The following KAT8 variants were observed in gnomAD, a reference collection of about 807,000 sequenced individuals.
KAT8 encodes the protein histone acetyltransferase KAT8.
KAT8 carries 40 observed loss-of-function variants against 62.9 expected under a neutral mutation model. The ratio of observed to expected loss-of-function variants is 0.64; its 90% CI spans 0.49 to 0.83. KAT8 has a LOEUF of 0.83. Among genes scored for constraint, KAT8 ranks in the 40% least tolerant of loss-of-function variants. KAT8 has a pLI of 0.00. For missense variants in KAT8, 387 were observed against 614.8 expected (o/e 0.63, Z 3.92); for synonymous variants, 278 against 254.5 (o/e 1.09, Z -0.88).
At chr16:31,123,832 C>G (rs1427338998) in intron 3 of KAT8, 6 of 152,142 alleles carry the variant, frequency 3.9e-5, no homozygotes, top group Non-Finnish European at 7.4e-5. Flanking sequence ...TTAAATAGCC[C>G]TATGTGACAA....
At chr16:31,125,891 C>G (rs2057528587) in intron 3 of KAT8, 1 of 152,194 alleles carries the variant, frequency 6.6e-6, no homozygotes, top group African/African-American at 2.4e-5. Flanking sequence ...TTAGTCTCTG[C>G]TTTCTAAGGA....
In KAT8 at chr16:31,117,746, A is replaced by AGCCCGG. The variant is rs1311380037; in HGVS notation, c.73_78dup (p.Pro25_Gly26dup). 2.2e-6 allele frequency: 3 copies of AGCCCGG among 1,377,352 alleles called. No individual in the cohort carries two copies. The South Asian group carries it at 4.8e-5, about 22-fold the overall frequency. The allele number at this position is 1,377,352 out of a possible 1,614,324, so 85.3% of individuals were successfully genotyped here. A position where few individuals can be genotyped will look rare whatever the true frequency, so the allele number is the denominator to read the frequency against. ...ACTTCAGGGGTCGCGGGGGAGGGCG[A>AGCCCGG]GCCCGGGCCCGGGGAGAATGCGGCC... is the stretch of plus-strand genomic sequence containing the variant. On this transcript the variant is annotated inframe_insertion, in exon 1 of 11. Transcript: ENST00000219797.
At chr16:31,121,058 G>A (rs1309460415) in intron 3 of KAT8, 1 of 153,096 alleles carries the variant, frequency 6.5e-6, no homozygotes. Context: ...GTTAGCCGGT[G>A]AGCAGAAGTA....
At chr16:31,128,015 A>T in intron 5 of KAT8, 35 bp from the exon 6 acceptor site, 1 of 1,531,386 alleles carries the variant, frequency 6.5e-7, no homozygotes, top group Non-Finnish European at 9.1e-7. Context: ...CAGAGAACAT[A>T]TGGGCAGCGA....
downstream of KAT8, chr16:31,131,364 T>C: frequency 2.9e-6 from 4 of 1,366,028 alleles, no homozygotes; most frequent in South Asian, 5.0e-5. Context: ...CTGGTGGCCC[T>C]GGACTTTGGA....
intron 1 of KAT8, chr16:31,118,880 C>CTTTTTT (rs34659650): frequency 2.5e-5 from 3 of 121,992 alleles, no homozygotes; most frequent in African/African-American, 3.0e-5. Context: ...TCCCTTTTGT[C>CTTTTTT]TTTTTTTTTT....
At chr16:31,126,775 A>C in intron 3 of KAT8, 1 of 508,040 alleles carries the variant, frequency 2.0e-6, no homozygotes, top group Admixed American at 3.4e-5. Context: ...TCCTGATCCT[A>C]ACCCTGTTCA....
rs902324361 is a variant in KAT8 at position 31,130,176 on chromosome 16, C to T, written c.912+19C>T. 16 of 244,252 alleles carry T rather than the reference C, an allele frequency of 6.6e-5. No homozygotes were observed. The highest frequency in any genetic ancestry group is 1.6e-4 in the Admixed American group (4 of 24,288). 15.1% of individuals were successfully genotyped at this position (244,252 alleles called of 1,614,324 possible). A position where few individuals can be genotyped will look rare whatever the true frequency, so the allele number is the denominator to read the frequency against. On this transcript the variant is annotated intron_variant, in intron 7 of 10. Transcript: ENST00000219797. ...CTCCAAGGTGCTGGGTCTGGAAACT[C>T]GGGGTGGGGAGGGTGGGGAGGGCGA...
chr16:31,130,316 C>T lies in KAT8; in HGVS notation c.962C>T (p.Pro321Leu). Residue 321 changes from proline to leucine, a missense_variant, in exon 8 of 11, where the codon CCC becomes CTC. By Grantham distance (98) the Pro-to-Leu change is moderately conservative. Transcript: ENST00000219797. ...AATGTGGCCTGCATCCTGACCTTGC[C>T]CCCCTACCAACGCCGCGGCTACGGG... ...GNNVACILTL[P>L]PYQRRGYGKF... The T allele has an allele frequency of 6.2e-7, 1 of 1,614,176 alleles. No homozygotes were observed. The highest frequency in any genetic ancestry group is 8.5e-7 in the Non-Finnish European group (1 of 1,180,016).
rs2057569063 is a variant in KAT8 at position 31,130,452 on chromosome 16, C to G, written c.1007-4C>G. On this transcript the variant is annotated splice_polypyrimidine_tract_variant and splice_region_variant and intron_variant, in intron 8 of 10. Transcript: ENST00000219797. ...TCCTAAGTTCCTCTTTCTACTGCTG[C>G]CAGGTTATGAGCTCTCCAAGCTGGA... The G allele has an allele frequency of 2.5e-6, 4 of 1,614,128 alleles. No individual in the cohort carries two copies. The highest frequency in any genetic ancestry group is 1.3e-5 in the African/African-American group (1 of 75,054).
At chr16:31,127,846 A>T (rs1340661761) in intron 5 of KAT8, among the ~76,000 whole-genome samples, 2 of 152,154 alleles carry the variant, frequency 1.3e-5, no homozygotes, top group Admixed American at 6.5e-5. Context: ...GTGCTGTGTG[A>T]TGTTTGGATC....
In KAT8 at chr16:31,126,795, AG is replaced by A. The variant is rs2057534531; in HGVS notation, c.463-238del. 2.4e-5 allele frequency: 12 copies of A among 502,644 alleles called. No individual in the cohort carries two copies. The South Asian group carries it at 2.7e-4, about 11-fold the overall frequency. The allele number at this position is 502,644 out of a possible 1,614,324, so 31.1% of individuals were successfully genotyped here. A position where few individuals can be genotyped will look rare whatever the true frequency, so the allele number is the denominator to read the frequency against. ...ATCCTAACCCTGTTCATCTGGCAAA[AG>A]GTCCAAACTTGGACATCAGGGATGT... is the stretch of plus-strand genomic sequence containing the variant. On this transcript the variant is annotated intron_variant, in intron 3 of 10. Transcript: ENST00000219797.
chr16:31,120,161 T>C (rs1332687409), intron 1 of KAT8, 25 bp from the exon 2 acceptor site: 1 of 1,606,822 alleles, frequency 6.2e-7, no homozygotes, highest in South Asian at 1.1e-5. Context: ...ACCTTCCTGA[T>C]GACCCTAGCC....
intron 3 of KAT8, among the ~76,000 whole-genome samples, chr16:31,123,330 C>G (rs1392782757): frequency 2.6e-5 from 4 of 152,122 alleles, no homozygotes; most frequent in Non-Finnish European, 5.9e-5. Context: ...GAGTTTCCTG[C>G]CGCAGCCTCC....
intron 3 of KAT8, among the ~76,000 whole-genome samples, chr16:31,123,414 A>T (rs1038686001): frequency 2.6e-5 from 4 of 151,586 alleles, no homozygotes; most frequent in Admixed American, 1.3e-4. Context: ...ATAGGGTTTC[A>T]CTATGTTTGG....
At chr16:31,125,221 C>T (rs975671987) in intron 3 of KAT8, among the ~76,000 whole-genome samples, 23 of 151,700 alleles carry the variant, frequency 1.5e-4, no homozygotes, top group Non-Finnish European at 2.7e-4. Flanking sequence ...ATGTCTGTGC[C>T]GTGCTTGCCA....
intron 7 of KAT8, 30 bp from the exon 8 acceptor site, chr16:31,130,237 C>T (rs1269180576): frequency 6.2e-7 from 1 of 1,612,906 alleles, no homozygotes; most frequent in Admixed American, 1.7e-5. Context: ...CAGAGCCTCC[C>T]CAGCGGCCCT....
chr16:31,121,215 G>A (rs1020614863), intron 3 of KAT8: 1 of 151,696 alleles, frequency 6.6e-6, no homozygotes, highest in Admixed American at 6.6e-5. Flanking sequence ...CCGCCACCTG[G>A]GTTCAAGCAA....
rs780426408 is a variant in KAT8, at chr16:31,127,046, G to C, written c.474G>C (p.Glu158Asp). ...CTTTCCTGGCCCAGACTTATGCAGA[G>C]ATGGACCCCACCACAGCAGCCTTGG... ...EINHVQKTYA[E>D]MDPTTAALEK... The change falls in exon 4 of 11, where the codon GAG becomes GAC. Residue 158 changes from glutamate (E) to aspartate (D), a missense_variant. Around this residue, in one of 6 missense-constraint regions of KAT8, gnomAD observed 8 missense variants for 57.0 expected, o/e 0.14. Coordinates refer to ENST00000219797, the MANE Select transcript of KAT8 (RefSeq NM_032188.3). The C allele has an allele frequency of 6.2e-7, 1 of 1,614,210 alleles. No individual in the cohort carries two copies. The highest frequency in any genetic ancestry group is 8.5e-7 in the Non-Finnish European group (1 of 1,180,038).
Sources: gnomAD v4.1 joint callset for allele counts (sites outside exome capture counted in the v4.1 genomes callset) on GRCh38, gnomAD v4.1.1 for gene constraint, gnomAD v4.1.1 regional missense constraint, MANE v1.5 for transcripts, NCBI Gene and HGNC (gene_info 2026-07-23, HGNC 2026-07-21) for gene names.